RNF32: variants seen among roughly 807,000 people sequenced by gnomAD.
RNF32 encodes ring finger protein 32.
Under a neutral mutation model 41.0 loss-of-function variants are expected in RNF32, and 36 were observed. That is an observed-to-expected ratio of 0.88 (90% CI 0.67 to 1.16). The LOEUF (loss-of-function observed/expected upper bound fraction) is 1.16. Among genes scored for constraint, RNF32 ranks in the 50% most tolerant of loss-of-function variants. RNF32 has a pLI of 0.00. For synonymous variants in RNF32, 154 were observed against 160.9 expected, an observed-to-expected ratio of 0.96 and a Z score of 0.32; for missense variants, 413 against 436.7, an observed-to-expected ratio of 0.95 and a Z score of 0.48.
chr7:156,659,277 G>A, intron 7 of RNF32: 1 of 1,015,348 alleles, frequency 9.8e-7, no homozygotes, highest in Non-Finnish European at 1.2e-6. Context: ...CACACAGTAG[G>A]TGCTGGAAAT....
At position 156,657,384 on chromosome 7, in the gene RNF32, C is replaced by T. The variant is rs535630806; in HGVS notation, c.418-157C>T. ...ATTTAGAGTATATACTTGTGCTGTG[C>T]TAAACAAACAATAAATAGTATAAAT... On this transcript the variant is annotated intron_variant, in intron 4 of 8. Coordinates refer to ENST00000317955, the MANE Select transcript of RNF32 (RefSeq NM_030936.4). 5.7e-6 allele frequency: 4 copies of T among 697,290 alleles called. No homozygotes were observed. In the East Asian group the frequency reaches 1.1e-4, roughly 19 times the overall value. 43.2% of individuals were successfully genotyped at this position (697,290 alleles called of 1,614,324 possible). A position where few individuals can be genotyped will look rare whatever the true frequency, so the allele number is the denominator to read the frequency against.
chr7:156,650,721 G>A (rs1338314577), intron 3 of RNF32, among the ~76,000 whole-genome samples: 1 of 152,222 alleles, frequency 6.6e-6, no homozygotes, highest in Non-Finnish European at 1.5e-5. Context: ...AGGAAGGGTG[G>A]TGCTGGGGGC....
Position 156,644,555 on chromosome 7 carries a change from C to T in RNF32, c.72C>T (p.His24=), listed in dbSNP as rs771251386. ...TCAATGCAGTTGCTTTACAAGATCACATTTTACATGATCTTCAACTTCGAA... is the reference window on the plus strand; with the variant it reads ...TCAATGCAGTTGCTTTACAAGATCATATTTTACATGATCTTCAACTTCGAA... ...LAVNAVALQD[H]ILHDLQLRNL... is the part of the protein sequence containing the mutation. The change falls in exon 3 of 9, where the codon CAC becomes CAT. Residue 24 remains histidine, a synonymous_variant. Coordinates refer to ENST00000317955, the MANE Select transcript of RNF32 (RefSeq NM_030936.4). 2.5e-6 allele frequency: 4 copies of T among 1,610,842 alleles called. No individual in the cohort carries two copies. Among genetic ancestry groups the T allele is most frequent in the East Asian group, 2.2e-5 (1 of 44,848 alleles).
In RNF32 at chr7:156,657,694, A is replaced by G. The variant is rs1016467975; in HGVS notation, c.450+121A>G. Reference sequence around the variant, plus strand: ...TTTATTTTATTCATCACCACCATCTATAGTTAAAGAAACATGACTGTAGGC... The same window carrying G: ...TTTATTTTATTCATCACCACCATCTGTAGTTAAAGAAACATGACTGTAGGC... On this transcript the variant is annotated intron_variant, in intron 5 of 8. Transcript: ENST00000317955. 21 of 909,142 alleles carry G rather than the reference A, an allele frequency of 2.3e-5. No homozygotes were observed. The Middle Eastern group carries it at 6.4e-4, about 28-fold the overall frequency. 56.3% of individuals were successfully genotyped at this position (909,142 alleles called of 1,614,324 possible).
intron 7 of RNF32, among the ~76,000 whole-genome samples, chr7:156,674,482 A>G (rs1399508258): frequency 3.3e-5 from 5 of 152,186 alleles, no homozygotes; most frequent in Admixed American, 3.3e-4. Context: ...CACTCTTCAC[A>G]TGTACTAAAA....
At chr7:156,640,407 C>A, upstream of RNF32, 2 of 422,152 alleles carry the variant, frequency 4.7e-6, no homozygotes, top group South Asian at 1.7e-5. Context: ...GAAGCCGGCG[C>A]GGGGCTCGGC....
intron 7 of RNF32, chr7:156,660,399 CTCA>C (rs1444971607): frequency 1.2e-5 from 7 of 564,460 alleles, no homozygotes; most frequent in Non-Finnish European, 1.3e-5. Flanking sequence ...TTAAGATGAT[CTCA>C]GATGATTTCA....
chr7:156,647,341 ACACCCTCC>A (rs1798093535), intron 3 of RNF32, among the ~76,000 whole-genome samples: 2 of 151,180 alleles, frequency 1.3e-5, no homozygotes, highest in African/African-American at 4.9e-5. Context: ...TTTTTATCCC[ACACCCTCC>A]CACCCTCCGC....
intron 7 of RNF32, among the ~76,000 whole-genome samples, chr7:156,673,318 C>A (rs1053555267): frequency 1.4e-4 from 21 of 152,160 alleles, no homozygotes; most frequent in Non-Finnish European, 2.8e-4. Context: ...AATTACAAAG[C>A]ATCAATTGGA....
At chr7:156,649,509 T>C (rs4716438) in intron 3 of RNF32, among the ~76,000 whole-genome samples, 83,871 of 151,998 alleles carry the variant, frequency 0.55, 25,950 homozygotes, top group African/African-American at 0.83. Context: ...TTTCATTTAC[T>C]TACTTATGTG....
chr7:156,644,414 A>G, intron 2 of RNF32, 85 bp from the exon 3 acceptor site: 2 of 1,027,882 alleles, frequency 1.9e-6, no homozygotes, highest in Non-Finnish European at 3.0e-6. Flanking sequence ...TGTGCCATCA[A>G]GGTTGAGTAT....
Position 156,669,968 on chromosome 7 carries a change from A to T in RNF32, c.685-5728A>T, listed in dbSNP as rs79942506. On this transcript the variant is annotated intron_variant, in intron 7 of 8. Coordinates refer to ENST00000317955, the MANE Select transcript of RNF32 (RefSeq NM_030936.4). The surrounding 1 kb of genome is among the most constrained non-coding windows in gnomAD (Gnocchi z 4.2). ...AAGAAAGAAAACATGGGAAAGTGCC[A>T]TCCAAGTACTAAAAGTATAAAGCTG... 3.9e-5 allele frequency among the ~76,000 whole-genome samples: 6 copies of T among 152,332 alleles called. No homozygotes were observed. The East Asian group carries it at 1.2e-3, about 29-fold the overall frequency.
rs991855935 is a variant in RNF32 at position 156,669,650 on chromosome 7, C to T, written c.685-6046C>T. 9.2e-5 allele frequency among the ~76,000 whole-genome samples: 14 copies of T among 152,208 alleles called. No homozygotes were observed. Among genetic ancestry groups the T allele is most frequent in the Non-Finnish European group, 1.5e-4 (10 of 68,026 alleles). On this transcript the variant is annotated intron_variant, in intron 7 of 8. Transcript: ENST00000317955. The surrounding 1 kb of genome is among the most constrained non-coding windows in gnomAD (Gnocchi z 4.2). Reference sequence around the variant, plus strand: ...CCCACAGCCACGTGAACACTGGAAACTGCCCTCAGAGCCCCGGGGATGCGA... The same window carrying T: ...CCCACAGCCACGTGAACACTGGAAATTGCCCTCAGAGCCCCGGGGATGCGA...
chr7:156,658,751 TTCAAA>T lies in RNF32; in HGVS notation c.684+183_684+187del, dbSNP rs555633999. ...TTTAGTTGGCTTTCCAACCTAGATG[TTCAAA>T]TACTTCTAGACTTTCTTTTCTAGTT... is the stretch of plus-strand genomic sequence containing the variant. On this transcript the variant is annotated intron_variant, in intron 7 of 8. Transcript: ENST00000317955. The T allele has an allele frequency of 5.6e-5, 47 of 836,682 alleles. No homozygotes were observed. In the African/African-American group the frequency reaches 7.2e-4, roughly 13 times the overall value. 51.8% of individuals were successfully genotyped at this position (836,682 alleles called of 1,614,324 possible). A position where few individuals can be genotyped will look rare whatever the true frequency, so the allele number is the denominator to read the frequency against.
intron 1 of RNF32, among the ~76,000 whole-genome samples, chr7:156,641,368 C>T (rs906591645): frequency 1.3e-5 from 2 of 152,186 alleles, no homozygotes; most frequent in African/African-American, 4.8e-5. Flanking sequence ...CCAAGCTCTG[C>T]CTCTTGAGCG....
chr7:156,672,805 A>G (rs571263048), intron 7 of RNF32, among the ~76,000 whole-genome samples: 9 of 152,350 alleles, frequency 5.9e-5, no homozygotes, highest in Non-Finnish European at 1.2e-4. Context: ...AGCGATACCC[A>G]TGCTTGGAGT....
intron 4 of RNF32, among the ~76,000 whole-genome samples, chr7:156,656,402 T>C (rs1156568366): frequency 6.6e-6 from 1 of 152,214 alleles, no homozygotes; most frequent in East Asian, 1.9e-4. Context: ...AGAATATATG[T>C]TGATAAAACA....
At chr7:156,642,591 G>A (rs1186670443) in intron 1 of RNF32, among the ~76,000 whole-genome samples, 3 of 152,228 alleles carry the variant, frequency 2.0e-5, no homozygotes, top group Non-Finnish European at 4.4e-5. Flanking sequence ...ACAATAATTT[G>A]TATCCTTTCA....
intron 1 of RNF32, among the ~76,000 whole-genome samples, chr7:156,643,345 T>C (rs940986500): frequency 6.6e-6 from 1 of 152,224 alleles, no homozygotes; most frequent in Non-Finnish European, 1.5e-5. Context: ...AGTTTCTTCA[T>C]TGTTCCCTTT....
Sources: allele counts gnomAD v4.1 joint callset (sites outside exome capture counted in the v4.1 genomes callset), GRCh38; gene constraint gnomAD v4.1.1; non-coding constraint Gnocchi (gnomAD v3.1); transcripts MANE v1.5; gene names NCBI Gene and HGNC (gene_info 2026-07-23, HGNC 2026-07-21).